ZBTB7C: variants seen among roughly 807,000 people sequenced by gnomAD.
The protein encoded by ZBTB7C is zinc finger and BTB domain containing 7C, also known as zinc finger and BTB domain-containing protein 7C.
ZBTB7C carries 8 observed loss-of-function variants against 25.7 expected under a neutral mutation model. The ratio of observed to expected loss-of-function variants is 0.31; its 90% confidence interval spans 0.18 to 0.56. ZBTB7C has a LOEUF of 0.56. Ranked by LOEUF, ZBTB7C falls within the 20% of genes least tolerant of loss-of-function variation. The probability of loss-of-function intolerance (pLI) is 0.91; values close to 1 mark genes in which losing one functional copy is unlikely to be tolerated. For synonymous variants in ZBTB7C, 394 were observed against 369.0 expected (o/e 1.07, Z -0.78); for missense variants, 824 against 855.2 (o/e 0.96, Z 0.46).
At chr18:48,254,737 A>G (rs1426916874) in intron 2 of ZBTB7C, among the ~76,000 whole-genome samples, 1 of 152,154 alleles carries the variant, frequency 6.6e-6, no homozygotes, top group African/African-American at 2.4e-5. Flanking sequence ...CAAAGCCCTT[A>G]AAAACCCCAG....
At chr18:48,167,967 G>C (rs955458847) in intron 3 of ZBTB7C, among the ~76,000 whole-genome samples, 3 of 152,240 alleles carry the variant, frequency 2.0e-5, no homozygotes, top group African/African-American at 7.2e-5. Context: ...ATCCCTTTCA[G>C]AGTGTGGGGA....
intron 1 of ZBTB7C, among the ~76,000 whole-genome samples, chr18:48,393,779 C>T (rs529375578): frequency 1.4e-4 from 21 of 152,244 alleles, no homozygotes; most frequent in African/African-American, 5.1e-4. Context: ...ACCTCAGGCA[C>T]CAGAGTCAGG....
chr18:48,232,753 C>T (rs2043286950), intron 2 of ZBTB7C, among the ~76,000 whole-genome samples: 1 of 152,202 alleles, frequency 6.6e-6, no homozygotes, highest in Non-Finnish European at 1.5e-5. Flanking sequence ...TTCCATTCTC[C>T]ATGGCTTCTC....
At chr18:48,187,935 A>G (rs72922196) in intron 2 of ZBTB7C, among the ~76,000 whole-genome samples, 3,307 of 152,086 alleles carry the variant, frequency 0.022, 55 homozygotes, top group Non-Finnish European at 0.032. Context: ...GTTTGAAAAG[A>G]TGTAAAAGTT....
At chr18:48,339,689 A>T (rs1490095493) in intron 1 of ZBTB7C, among the ~76,000 whole-genome samples, 1 of 152,084 alleles carries the variant, frequency 6.6e-6, no homozygotes, top group African/African-American at 2.4e-5. Context: ...GGAGGGGGAC[A>T]TTGGCCTGTT....
chr18:48,165,204 AT>A, intron 3 of ZBTB7C: 1 of 1,099,938 alleles, frequency 9.1e-7, no homozygotes, highest in Non-Finnish European at 1.2e-6. Context: ...TCACAAAGCA[AT>A]TTAGAGGAGA....
chr18:48,246,108 A>G (rs760369852), intron 2 of ZBTB7C, among the ~76,000 whole-genome samples: 11 of 152,152 alleles, frequency 7.2e-5, no homozygotes, highest in Non-Finnish European at 1.5e-4. Flanking sequence ...TAGTGTGAAT[A>G]TGGGGTAAAG....
At chr18:48,258,689 G>A (rs972386782) in intron 2 of ZBTB7C, among the ~76,000 whole-genome samples, 15 of 151,948 alleles carry the variant, frequency 9.9e-5, no homozygotes, top group African/African-American at 3.4e-4. Flanking sequence ...ATGGAGTCCC[G>A]CTCTGTCACC....
chr18:48,324,845 G>T (rs771073033), intron 2 of ZBTB7C, among the ~76,000 whole-genome samples: 33 of 152,286 alleles, frequency 2.2e-4, no homozygotes, highest in Non-Finnish European at 3.7e-4. Context: ...AGGGAAGGGG[G>T]TGGTGAGCTG....
intron 3 of ZBTB7C, among the ~76,000 whole-genome samples, chr18:48,067,467 A>AG (rs1224543592): frequency 6.6e-6 from 1 of 152,226 alleles, no homozygotes; most frequent in Non-Finnish European, 1.5e-5. Context: ...TTACTTTTAG[A>AG]GGAGATTAAC....
chr18:48,071,402 C>T (rs974321869), intron 3 of ZBTB7C, among the ~76,000 whole-genome samples: 46 of 152,192 alleles, frequency 3.0e-4, no homozygotes, highest in Non-Finnish European at 6.0e-4. Flanking sequence ...CAGATGCTCA[C>T]CATCACTATT....
Position 48,382,605 on chromosome 18 carries a change from T to G in ZBTB7C, c.-304+26621A>C, listed in dbSNP as rs527739320. ...ATATTTTACTTTTCTCAGTCAACTC[T>G]GTATTATTCAAGCCACAAAAGAAGG... On this transcript the variant is annotated intron_variant, in intron 1 of 4. Coordinates refer to ENST00000590800, the MANE Select transcript of ZBTB7C (RefSeq NM_001318841.2). Among the ~76,000 whole-genome samples, 329 of 152,338 alleles carry G rather than the reference T, an allele frequency of 2.2e-3. 1 individual carries two copies. The highest frequency in any genetic ancestry group is 7.7e-3 in the African/African-American group (319 of 41,570).
chr18:48,330,533 T>A (rs184335585), intron 2 of ZBTB7C, among the ~76,000 whole-genome samples: 1 of 152,036 alleles, frequency 6.6e-6, no homozygotes, highest in Admixed American at 6.5e-5. Flanking sequence ...CCATTAGAGT[T>A]TGTCATCTCT....
chr18:48,270,549 G>T (rs1384512937), intron 2 of ZBTB7C, among the ~76,000 whole-genome samples: 1 of 150,990 alleles, frequency 6.6e-6, no homozygotes, highest in East Asian at 2.0e-4. Flanking sequence ...AATTAGCCAG[G>T]TGTGGTGGCA....
At chr18:48,250,927 A>T (rs2043836697) in intron 2 of ZBTB7C, among the ~76,000 whole-genome samples, 1 of 152,142 alleles carries the variant, frequency 6.6e-6, no homozygotes, top group Non-Finnish European at 1.5e-5. Context: ...GCATGTGTTT[A>T]AAAGTAAAAT....
intron 2 of ZBTB7C, among the ~76,000 whole-genome samples, chr18:48,224,703 G>A (rs143689974): frequency 4.6e-5 from 7 of 152,280 alleles, no homozygotes; most frequent in South Asian, 2.1e-4. Context: ...AATTAGACCC[G>A]TAAGGCCTTT....
At chr18:48,372,358 G>C (rs1295789534) in intron 1 of ZBTB7C, among the ~76,000 whole-genome samples, 1 of 152,198 alleles carries the variant, frequency 6.6e-6, no homozygotes, top group Non-Finnish European at 1.5e-5. Flanking sequence ...TGTGCCTCCT[G>C]ACATTTCCCA....
At chr18:48,222,992 G>A (rs541205688) in intron 2 of ZBTB7C, among the ~76,000 whole-genome samples, 1 of 152,350 alleles carries the variant, frequency 6.6e-6, no homozygotes, top group East Asian at 1.9e-4. Context: ...TTCTGAGACA[G>A]CAACCCCCAT....
At chr18:48,097,476 A>C (rs2038680671) in intron 3 of ZBTB7C, among the ~76,000 whole-genome samples, 1 of 151,934 alleles carries the variant, frequency 6.6e-6, no homozygotes, top group South Asian at 2.1e-4. Flanking sequence ...GGTTCACTGC[A>C]ACCTCTGCCT....
Sources: allele counts gnomAD v4.1 joint callset (sites outside exome capture counted in the v4.1 genomes callset), GRCh38; gene constraint gnomAD v4.1.1; transcripts MANE v1.5; gene names NCBI Gene and HGNC (gene_info 2026-07-23, HGNC 2026-07-21).